ATXN7: variants seen among roughly 807,000 people sequenced by gnomAD.
The protein encoded by ATXN7 is ataxin-7.
A neutral mutation model predicts 70.5 loss-of-function variants in ATXN7; 12 were observed. The observed-to-expected ratio is 0.17, with a 90% CI of 0.11 to 0.28. The LOEUF (loss-of-function observed/expected upper bound fraction) is 0.28. ATXN7 is among the 10% of genes least tolerant of loss of function. The probability of loss-of-function intolerance (pLI) is 1.00; values close to 1 mark genes in which losing one functional copy is unlikely to be tolerated. For missense variants in ATXN7, 1,256 were observed against 1,131.7 expected (o/e 1.11, Z -1.58); for synonymous variants, 498 against 448.7 (o/e 1.11, Z -1.39).
intron 5 of ATXN7, among the ~76,000 whole-genome samples, chr3:63,962,186 T>A (rs116233882): frequency 1.3e-3 from 197 of 152,262 alleles, no homozygotes; most frequent in African/African-American, 4.6e-3. Context: ...CTCTTGAGGT[T>A]TACTTCAAAG....
chr3:63,947,629 C>A lies in ATXN7; in HGVS notation c.395-4750C>A, dbSNP rs74396438. Among the ~76,000 whole-genome samples the A allele has an allele frequency of 8.4e-3, 1,274 of 152,160 alleles. 14 individuals are homozygous for A. Among genetic ancestry groups the A allele is most frequent in the African/African-American group, 0.027 (1,136 of 41,522 alleles). ...AATTTGAAGAGATTGTATAACTTGC[C>A]CAAGGTCACGTTTCTTTTGATTGAG... On this transcript the variant is annotated intron_variant, in intron 4 of 12. Coordinates refer to ENST00000674280, the MANE Select transcript of ATXN7 (RefSeq NM_001377405.1).
intron 4 of ATXN7, among the ~76,000 whole-genome samples, chr3:63,930,063 T>C (rs1704888216): frequency 6.6e-6 from 1 of 152,178 alleles, no homozygotes; most frequent in Non-Finnish European, 1.5e-5. Flanking sequence ...GAAATGGTTA[T>C]GACTAAATAG....
At position 63,869,434 on chromosome 3, in the gene ATXN7, G is replaced by GT. The variant is rs369506597; in HGVS notation, c.-111+5285dup. ...CATCTTTTTCTTTTCTTTTCTTTTT[G>GT]TTTTTTTTTGAGACAGAGGCTCATT... On this transcript the variant is annotated intron_variant, in intron 1 of 12. Transcript: ENST00000674280. Among the ~76,000 whole-genome samples the GT allele has an allele frequency of 5.4e-3, 814 of 150,898 alleles. 4 individuals carry two copies. Among genetic ancestry groups the GT allele is most frequent in the African/African-American group, 7.6e-3 (314 of 41,102 alleles).
intron 5 of ATXN7, among the ~76,000 whole-genome samples, chr3:63,958,364 T>C (rs1251660530): frequency 6.6e-6 from 1 of 152,198 alleles, no homozygotes; most frequent in Non-Finnish European, 1.5e-5. Flanking sequence ...AGCTAAGTAA[T>C]TGGTTTCAAA....
intron 4 of ATXN7, among the ~76,000 whole-genome samples, chr3:63,949,778 C>T (rs571730909): frequency 1.9e-4 from 29 of 152,212 alleles, no homozygotes; most frequent in African/African-American, 6.7e-4. Context: ...TGTGTGTGTG[C>T]ATGCTTTTTA....
rs755967953 is a variant in ATXN7, at chr3:63,982,173, C to T, written c.753-13C>T. 3 of 1,613,896 alleles carry T rather than the reference C, an allele frequency of 1.9e-6. No homozygotes were observed. In the Admixed American group the frequency reaches 5.0e-5, roughly 27 times the overall value. On this transcript the variant is annotated splice_polypyrimidine_tract_variant and intron_variant, in intron 6 of 12. Coordinates refer to ENST00000674280, the MANE Select transcript of ATXN7 (RefSeq NM_001377405.1). The stretch of plus-strand genomic sequence containing the variant: ...CACTCAGGCACTGGTTTTCTCACTT[C>T]CTCCTGTGACAGCATGACACCCTCT...
chr3:63,954,562 T>C (rs2075007297), intron 5 of ATXN7, among the ~76,000 whole-genome samples: 1 of 152,074 alleles, frequency 6.6e-6, no homozygotes, highest in Non-Finnish European at 1.5e-5. Flanking sequence ...CCCCAGAGAA[T>C]TGATGGGTAG....
At chr3:63,914,215 A>G (rs868816045) in intron 4 of ATXN7, among the ~76,000 whole-genome samples, 8 of 152,202 alleles carry the variant, frequency 5.3e-5, no homozygotes, top group Admixed American at 5.2e-4. Flanking sequence ...GAACATTTTT[A>G]AGTCCAAAGT....
At chr3:63,958,727 C>T (rs956994614) in intron 5 of ATXN7, among the ~76,000 whole-genome samples, 2 of 152,050 alleles carry the variant, frequency 1.3e-5, no homozygotes, top group Admixed American at 1.3e-4. Context: ...TTAATAGTAC[C>T]TGGTGATTTA....
At chr3:63,866,503 G>A (rs570765732) in intron 1 of ATXN7, among the ~76,000 whole-genome samples, 6 of 152,180 alleles carry the variant, frequency 3.9e-5, no homozygotes, top group South Asian at 2.1e-4. Flanking sequence ...CGATCCTCCC[G>A]CCTCAGCCTC....
At position 63,999,498 on chromosome 3, in the gene ATXN7, C is replaced by T. The variant is rs769269406; in HGVS notation, c.*31C>T. On this transcript the variant is annotated 3_prime_UTR_variant, in exon 13 of 13. Transcript: ENST00000674280. ...GAAAATAGCACGGGGAGGAATAATG[C>T]GGACACTTTTGAGGACAAGTTACAC... 3.0e-5 allele frequency: 49 copies of T among 1,613,278 alleles called. No homozygotes were observed. Among genetic ancestry groups the T allele is most frequent in the African/African-American group, 5.3e-5 (4 of 75,004 alleles).
chr3:63,871,426 A>T (rs1372552922), intron 1 of ATXN7, among the ~76,000 whole-genome samples: 1 of 152,244 alleles, frequency 6.6e-6, no homozygotes, highest in Non-Finnish European at 1.5e-5. Context: ...GGGCAATATG[A>T]ACCCAAAGTC....
chr3:63,986,808 T>G (rs1177289228), intron 8 of ATXN7, among the ~76,000 whole-genome samples: 1 of 152,210 alleles, frequency 6.6e-6, no homozygotes, highest in Non-Finnish European at 1.5e-5. Context: ...AAAATGGTAG[T>G]TAGAAGCATA....
At position 64,001,539 on chromosome 3, in the gene ATXN7, T is replaced by A. The variant is rs528786861; in HGVS notation, c.*2072T>A. 1 of 152,374 alleles carries A rather than the reference T, an allele frequency of 6.6e-6. No homozygotes were observed. Among genetic ancestry groups the A allele is most frequent in the African/African-American group, 2.4e-5 (1 of 41,594 alleles). The allele number at this position is 152,374 out of a possible 1,614,324, so 9.4% of individuals were successfully genotyped here. Reference sequence around the variant, plus strand: ...TTTAGCAATGGAATTTACAGATCGATCATGTTGTTCCGAAAGATGTGAATA... The same window carrying A: ...TTTAGCAATGGAATTTACAGATCGAACATGTTGTTCCGAAAGATGTGAATA... On this transcript the variant is annotated 3_prime_UTR_variant, in exon 13 of 13. Transcript: ENST00000674280.
chr3:63,902,625 C>T (rs764849112), intron 2 of ATXN7, among the ~76,000 whole-genome samples: 1 of 152,052 alleles, frequency 6.6e-6, no homozygotes, highest in Non-Finnish European at 1.5e-5. Flanking sequence ...AAGATATTGA[C>T]TGGCTAAGGA....
intron 8 of ATXN7, among the ~76,000 whole-genome samples, chr3:63,983,661 G>A (rs1338698087): frequency 6.6e-6 from 1 of 151,960 alleles, no homozygotes; most frequent in African/African-American, 2.4e-5. Context: ...TTATATACAA[G>A]CTAAGAAAAT....
rs754382095 is a variant in ATXN7, at chr3:63,996,345, C to T, written c.2523C>T (p.Pro841=). 10 of 1,614,162 alleles carry T rather than the reference C, an allele frequency of 6.2e-6. No homozygotes were observed. Among genetic ancestry groups the T allele is most frequent in the Non-Finnish European group, 8.5e-6 (10 of 1,180,040 alleles). The part of the protein sequence containing the change: ...KLIGKKRKCS[P]SSSSINNSSS... ...TAGGAAAGAAAAGAAAGTGCTCACC[C>T]AGCTCGAGCAGCATCAACAACAGCA... is the stretch of plus-strand genomic sequence containing the variant. Residue 841 remains proline, a synonymous_variant, in exon 12 of 13, where the codon CCC becomes CCT. Coordinates refer to ENST00000674280, the MANE Select transcript of ATXN7 (RefSeq NM_001377405.1).
Position 64,000,282 on chromosome 3 carries a change from G to A in ATXN7, c.*815G>A, listed in dbSNP as rs1482366566. ...TGAGAAAGGAAGGCCAAATTGGGTC[G>A]GGGGAGGGTGGGAGTGAGGAAGTTA... On this transcript the variant is annotated 3_prime_UTR_variant, in exon 13 of 13. Coordinates refer to ENST00000674280, the MANE Select transcript of ATXN7 (RefSeq NM_001377405.1). 6.7e-6 allele frequency: 1 copy of A among 148,740 alleles called. No homozygotes were observed. The highest frequency in any genetic ancestry group is 1.5e-5 in the Non-Finnish European group (1 of 67,222). The allele number at this position is 148,740 out of a possible 1,614,324, so 9.2% of individuals were successfully genotyped here. A position where few individuals can be genotyped will look rare whatever the true frequency, so the allele number is the denominator to read the frequency against.
chr3:63,945,465 A>G (rs1011483767), intron 4 of ATXN7, among the ~76,000 whole-genome samples: 3 of 152,216 alleles, frequency 2.0e-5, no homozygotes, highest in African/African-American at 7.2e-5. Context: ...ATTGAACTTG[A>G]ACTTCTCTGT....
Sources: gnomAD v4.1 joint callset for allele counts (sites outside exome capture counted in the v4.1 genomes callset) on GRCh38, gnomAD v4.1.1 for gene constraint, MANE v1.5 for transcripts, NCBI Gene and HGNC (gene_info 2026-07-23, HGNC 2026-07-21) for gene names.